The following ZFPM2 variants were observed in gnomAD, a reference collection of about 807,000 sequenced individuals.
The protein encoded by ZFPM2 is zinc finger protein, FOG family member 2.
Under a neutral mutation model 98.6 loss-of-function variants are expected in ZFPM2, and 20 were observed. That is an observed-to-expected ratio of 0.20 (90% CI 0.14 to 0.29). The LOEUF is 0.29. Ranked by LOEUF, ZFPM2 falls within the 10% of genes least tolerant of loss-of-function variation. The probability of loss-of-function intolerance (pLI) is 1.00; values close to 1 mark genes in which losing one functional copy is unlikely to be tolerated. For synonymous variants in ZFPM2, 518 were observed against 502.7 expected (o/e 1.03, Z -0.41); for missense variants, 1,310 against 1,388.6 (o/e 0.94, Z 0.90).
At chr8:105,419,726 C>T (rs3779766) in intron 2 of ZFPM2, among the ~76,000 whole-genome samples, 38,394 of 151,860 alleles carry the variant, frequency 0.25, 5,083 homozygotes, top group Admixed American at 0.32. Context: ...TTTTGAAAAC[C>T]GAATGCTTTA....
At chr8:105,426,187 G>A (rs1351383941) in intron 2 of ZFPM2, among the ~76,000 whole-genome samples, 3 of 152,056 alleles carry the variant, frequency 2.0e-5, no homozygotes, top group African/African-American at 7.2e-5. Flanking sequence ...TTTTCTTAAC[G>A]GGATTAAGAA....
chr8:105,451,178 T>C (rs1812477539), intron 3 of ZFPM2, among the ~76,000 whole-genome samples: 1 of 152,184 alleles, frequency 6.6e-6, no homozygotes, highest in Admixed American at 6.5e-5. Context: ...TTTACATAAG[T>C]TAAATTGAGA....
In ZFPM2 at chr8:105,623,125, A is replaced by G. The variant is rs1234124572; in HGVS notation, c.421-11121A>G. Reference sequence around the variant, plus strand: ...AGATAAGCTTTGTTCAGCTACTCTAACACTTCCACACTTTTGCCAACTACT... The same window carrying G: ...AGATAAGCTTTGTTCAGCTACTCTAGCACTTCCACACTTTTGCCAACTACT... On this transcript the variant is annotated intron_variant, in intron 4 of 7. Coordinates refer to ENST00000407775, the MANE Select transcript of ZFPM2 (RefSeq NM_012082.4). 2.0e-5 allele frequency among the ~76,000 whole-genome samples: 3 copies of G among 152,166 alleles called. No homozygotes were observed. The East Asian group carries it at 5.8e-4, about 29-fold the overall frequency.
chr8:105,487,765 A>G (rs1229725038), intron 3 of ZFPM2, among the ~76,000 whole-genome samples: 3 of 152,208 alleles, frequency 2.0e-5, no homozygotes, highest in Non-Finnish European at 4.4e-5. Context: ...CATCATCATC[A>G]TCGTCATCAT....
intron 3 of ZFPM2, among the ~76,000 whole-genome samples, chr8:105,460,440 C>T (rs1400660858): frequency 1.3e-5 from 2 of 152,070 alleles, no homozygotes; most frequent in East Asian, 1.9e-4. Flanking sequence ...GGCCACTTGC[C>T]TTAATAAACA....
At chr8:105,617,020 G>GGAAAAAAAAAAAAA (rs1816431048) in intron 4 of ZFPM2, among the ~76,000 whole-genome samples, 1 of 28,120 alleles carries the variant, frequency 3.6e-5, no homozygotes, top group African/African-American at 1.5e-4. Context: ...ACTCTGTCTC[G>GGAAAAAAAAAAAAA]AAAAAAAAAA....
At chr8:105,784,825 A>T (rs1456270486) in intron 5 of ZFPM2, 2 of 145,612 alleles carry the variant, frequency 1.4e-5, no homozygotes, top group Non-Finnish European at 2.9e-5. Flanking sequence ...AAATTTTATT[A>T]GCATCAGTAA....
intron 5 of ZFPM2, among the ~76,000 whole-genome samples, chr8:105,675,252 A>G (rs1810417451): frequency 6.6e-6 from 1 of 152,204 alleles, no homozygotes; most frequent in Non-Finnish European, 1.5e-5. Context: ...TCTGCTAGAA[A>G]GATATGTTCA....
intron 3 of ZFPM2, among the ~76,000 whole-genome samples, chr8:105,554,659 T>C (rs1442161175): frequency 3.9e-5 from 6 of 152,186 alleles, no homozygotes; most frequent in African/African-American, 1.4e-4. Context: ...CCAATCCGAA[T>C]TGTATTTTCA....
At chr8:105,509,163 C>T (rs764993076) in intron 3 of ZFPM2, among the ~76,000 whole-genome samples, 3 of 152,168 alleles carry the variant, frequency 2.0e-5, no homozygotes, top group Non-Finnish European at 4.4e-5. Flanking sequence ...TGTGGCTACA[C>T]ATCTGTACCT....
At chr8:105,625,771 C>T (rs1234607649) in intron 4 of ZFPM2, among the ~76,000 whole-genome samples, 19 of 151,718 alleles carry the variant, frequency 1.3e-4, no homozygotes, top group Non-Finnish European at 1.8e-4. Context: ...TTAGTAGAGA[C>T]GGGGTTTCAC....
chr8:105,603,632 T>G (rs1431024409), intron 4 of ZFPM2, among the ~76,000 whole-genome samples: 2 of 152,112 alleles, frequency 1.3e-5, no homozygotes, highest in Admixed American at 1.3e-4. Flanking sequence ...ACGTGGAAAT[T>G]ATGATCTTTT....
At chr8:105,597,617 T>C (rs1295046786) in intron 4 of ZFPM2, among the ~76,000 whole-genome samples, 4 of 152,138 alleles carry the variant, frequency 2.6e-5, no homozygotes, top group African/African-American at 9.7e-5. Context: ...TGCATTGTTT[T>C]TCATCATATT....
intron 3 of ZFPM2, among the ~76,000 whole-genome samples, chr8:105,543,999 T>C (rs1380876908): frequency 2.6e-5 from 4 of 152,188 alleles, no homozygotes; most frequent in Non-Finnish European, 4.4e-5. Context: ...CAATTCTAAC[T>C]GAAGATGGCT....
chr8:105,509,024 AG>A (rs1813760258), intron 3 of ZFPM2, among the ~76,000 whole-genome samples: 1 of 152,142 alleles, frequency 6.6e-6, no homozygotes, highest in African/African-American at 2.4e-5. Flanking sequence ...AGGTTCCTGA[AG>A]GGAGCGGTGC....
At chr8:105,541,248 T>C (rs1029282619) in intron 3 of ZFPM2, among the ~76,000 whole-genome samples, 1 of 152,196 alleles carries the variant, frequency 6.6e-6, no homozygotes, top group African/African-American at 2.4e-5. Flanking sequence ...ATTTAATTAT[T>C]ACAAGAATCC....
intron 4 of ZFPM2, among the ~76,000 whole-genome samples, chr8:105,596,508 G>T (rs544049531): frequency 3.3e-5 from 5 of 151,950 alleles, no homozygotes; most frequent in Non-Finnish European, 5.9e-5. Context: ...GGGAAAGAAG[G>T]TATTCTACTT....
At chr8:105,545,301 A>G (rs1814670821) in intron 3 of ZFPM2, among the ~76,000 whole-genome samples, 1 of 152,156 alleles carries the variant, frequency 6.6e-6, no homozygotes, top group African/African-American at 2.4e-5. Flanking sequence ...TCCATTATAC[A>G]TTTAATCATT....
At chr8:105,524,736 G>T (rs1288423561) in intron 3 of ZFPM2, among the ~76,000 whole-genome samples, 1 of 152,114 alleles carries the variant, frequency 6.6e-6, no homozygotes, top group Non-Finnish European at 1.5e-5. Flanking sequence ...CTGTGACCTG[G>T]AGGGTGTACG....
Sources: allele counts gnomAD v4.1 joint callset (sites outside exome capture counted in the v4.1 genomes callset), GRCh38; gene constraint gnomAD v4.1.1; transcripts MANE v1.5; gene names NCBI Gene and HGNC (gene_info 2026-07-23, HGNC 2026-07-21).